Variants in SPATA18 observed in about 807,000 individuals in gnomAD.
SPATA18 encodes mitochondria-eating protein.
A neutral mutation model predicts 68.1 loss-of-function variants in SPATA18; 54 were observed. That is an observed-to-expected ratio of 0.79 (90% CI 0.64 to 0.99). The LOEUF (loss-of-function observed/expected upper bound fraction) is 0.99. SPATA18 is among the 50% of genes least tolerant of loss of function. SPATA18 has a pLI of 0.00. For missense variants in SPATA18, 724 were observed against 681.1 expected, an observed-to-expected ratio of 1.06 and a Z score of -0.70; for synonymous variants, 242 against 244.8, an observed-to-expected ratio of 0.99 and a Z score of 0.11.
intron 11 of SPATA18, among the ~76,000 whole-genome samples, chr4:52,086,866 A>G (rs1328246558): frequency 6.6e-6 from 1 of 152,146 alleles, no homozygotes; most frequent in Admixed American, 6.5e-5. Context: ...GGTTGAACTA[A>G]TTTACACTCT....
intron 6 of SPATA18, among the ~76,000 whole-genome samples, chr4:52,074,942 A>G (rs1053970204): frequency 6.6e-6 from 1 of 152,178 alleles, no homozygotes. Flanking sequence ...AGGAGCCTGG[A>G]AGGACTCAAG....
chr4:52,065,467 A>G (rs1362848593), intron 4 of SPATA18, among the ~76,000 whole-genome samples: 2 of 152,152 alleles, frequency 1.3e-5, no homozygotes, highest in South Asian at 2.1e-4. Flanking sequence ...TGATTTTTGC[A>G]TAAGGTGAGA....
Position 52,077,101 on chromosome 4 carries a change from G to A in SPATA18, c.1020+61G>A, listed in dbSNP as rs1740440591. The stretch of plus-strand genomic sequence containing the variant: ...GCAGCCGGGAGACAAGTTCTGTAAC[G>A]TGAATGGAACAACTTACAAAGACTA... On this transcript the variant is annotated intron_variant, in intron 7 of 12. Coordinates refer to ENST00000295213, the MANE Select transcript of SPATA18 (RefSeq NM_145263.4). 7 of 1,505,082 alleles carry A rather than the reference G, an allele frequency of 4.7e-6. No individual in the cohort carries two copies. In the South Asian group the frequency reaches 6.5e-5, roughly 14 times the overall value. The allele number at this position is 1,505,082 out of a possible 1,614,324, so 93.2% of individuals were successfully genotyped here.
intron 1 of SPATA18, among the ~76,000 whole-genome samples, chr4:52,056,183 T>C (rs1325664520): frequency 1.3e-5 from 2 of 152,128 alleles, no homozygotes; most frequent in African/African-American, 2.4e-5. Context: ...TAATCTCATC[T>C]GTGCATGTGG....
chr4:52,061,767 CAT>C (rs1738878011), intron 3 of SPATA18, among the ~76,000 whole-genome samples: 1 of 152,138 alleles, frequency 6.6e-6, no homozygotes, highest in African/African-American at 2.4e-5. Flanking sequence ...GGGCCTGACA[CAT>C]GTTAAGTACT....
intron 7 of SPATA18, 99 bp from the exon 8 acceptor site, chr4:52,078,636 C>T (rs1740618886): frequency 1.8e-6 from 2 of 1,083,840 alleles, no homozygotes; most frequent in South Asian, 2.2e-5. Context: ...ATCAGAAGAC[C>T]AATATGATGT....
rs773387729 is a variant in SPATA18 at position 52,051,687 on chromosome 4, C to A, written c.-18C>A. 9 of 1,613,354 alleles carry A rather than the reference C, an allele frequency of 5.6e-6. No individual in the cohort carries two copies. In the South Asian group the frequency reaches 7.7e-5, roughly 14 times the overall value. ...AAGTCTCCATCGCGCAGCGTGGGGC[C>A]GAGAGGAATAGTGAGCGATGGCGGA... On this transcript the variant is annotated 5_prime_UTR_variant, in exon 1 of 13. Transcript: ENST00000295213.
intron 10 of SPATA18, among the ~76,000 whole-genome samples, chr4:52,084,375 G>A (rs1462677095): frequency 6.6e-6 from 1 of 152,188 alleles, no homozygotes; most frequent in Non-Finnish European, 1.5e-5. Context: ...GAAAGGGGTT[G>A]AAGTAGGGAA....
rs1742356284 is a variant in SPATA18 at position 52,095,600 on chromosome 4, A to G, written c.*713A>G. 6.6e-6 allele frequency: 1 copy of G among 152,236 alleles called. No individual in the cohort carries two copies. Among genetic ancestry groups the G allele is most frequent in the South Asian group, 2.1e-4 (1 of 4,832 alleles). 9.4% of individuals were successfully genotyped at this position (152,236 alleles called of 1,614,324 possible). A position where few individuals can be genotyped will look rare whatever the true frequency, so the allele number is the denominator to read the frequency against. On this transcript the variant is annotated 3_prime_UTR_variant, in exon 13 of 13. Coordinates refer to ENST00000295213, the MANE Select transcript of SPATA18 (RefSeq NM_145263.4). ...CCTTGTTCATAAATGTAGAGCAGTG[A>G]TTTGATTAGAAGCCAGCTTTGAGAT...
chr4:52,075,723 C>T (rs551023148), intron 6 of SPATA18, among the ~76,000 whole-genome samples: 2 of 152,248 alleles, frequency 1.3e-5, no homozygotes, highest in African/African-American at 4.8e-5. Flanking sequence ...TGTCATCTGC[C>T]CCTGCCTCTC....
rs1477043205 is a variant in SPATA18, at chr4:52,072,163, CA to C, written c.758+10del. ...AAAGTGCACTCCAAGGAAGGTCAGA[CA>C]AACTCTCAAAGATCTTCTCATTTAG... On this transcript the variant is annotated splice_region_variant and intron_variant, in intron 6 of 12. Transcript: ENST00000295213. The C allele has an allele frequency of 1.2e-6, 2 of 1,613,336 alleles. No homozygotes were observed. The highest frequency in any genetic ancestry group is 1.7e-6 in the Non-Finnish European group (2 of 1,179,696).
chr4:52,078,655 G>A lies in SPATA18; in HGVS notation c.1021-80G>A, dbSNP rs370721776. On this transcript the variant is annotated intron_variant, in intron 7 of 12. Coordinates refer to ENST00000295213, the MANE Select transcript of SPATA18 (RefSeq NM_145263.4). ...GAAGACCAATATGATGTTGAAGCTCGGATTCTTTCTAATTCCTTGTTTTGG... is the reference window on the plus strand; with the variant it reads ...GAAGACCAATATGATGTTGAAGCTCAGATTCTTTCTAATTCCTTGTTTTGG... The A allele has an allele frequency of 4.8e-4, 632 of 1,314,642 alleles. 6 individuals carry two copies. In the South Asian group the frequency reaches 7.9e-3, roughly 16 times the overall value. The allele number at this position is 1,314,642 out of a possible 1,614,324, so 81.4% of individuals were successfully genotyped here.
chr4:52,061,729 G>A (rs1264959029), intron 3 of SPATA18, among the ~76,000 whole-genome samples: 2 of 152,052 alleles, frequency 1.3e-5, no homozygotes, highest in South Asian at 2.1e-4. Context: ...AGAATTAAAT[G>A]TGATAAGCAC....
In SPATA18 at chr4:52,062,308, G is replaced by A; in HGVS notation, c.398G>A (p.Ser133Asn). The A allele has an allele frequency of 1.2e-6, 2 of 1,610,210 alleles. No homozygotes were observed. The highest frequency in any genetic ancestry group is 1.7e-6 in the Non-Finnish European group (2 of 1,177,762). Residue 133 changes from serine (S) to asparagine (N), a missense_variant, in exon 4 of 13, where the codon AGT becomes AAT. Coordinates refer to ENST00000295213, the MANE Select transcript of SPATA18 (RefSeq NM_145263.4). ...GACTCTAATTTGAACTCAACCCGGA[G>A]TCAATGCAACCAGGTTCAAGACGAG... is the stretch of plus-strand genomic sequence containing the variant. ...QLDSNLNSTR[S>N]QCNQVQDDLV...
intron 6 of SPATA18, among the ~76,000 whole-genome samples, chr4:52,072,814 T>C (rs1448756640): frequency 6.6e-6 from 1 of 152,222 alleles, no homozygotes; most frequent in Non-Finnish European, 1.5e-5. Flanking sequence ...TTTTCTCTGA[T>C]GCCTGGGAGT....
Position 52,094,918 on chromosome 4 carries a change from C to A in SPATA18, c.*31C>A. ...CCAGACCTGCTCCTTTGACCCAGTG[C>A]GTGGAAACAGCTGCTTTCTCCAGTG... is the stretch of plus-strand genomic sequence containing the variant. On this transcript the variant is annotated 3_prime_UTR_variant, in exon 13 of 13. Transcript: ENST00000295213. 12 of 1,613,802 alleles carry A rather than the reference C, an allele frequency of 7.4e-6. No individual in the cohort carries two copies. The highest frequency in any genetic ancestry group is 1.0e-5 in the Non-Finnish European group (12 of 1,179,756).
In SPATA18 at chr4:52,060,780, A is replaced by C; in HGVS notation, c.194-2A>C. ...CCATTAACTCGTCATTTAACATTTT[A>C]GGAGGACGTAATGATGGTGTGGAAA... On this transcript the variant is annotated splice_acceptor_variant, in intron 2 of 12. Transcript: ENST00000295213. LOFTEE classifies it high-confidence loss of function. 6.2e-7 allele frequency: 1 copy of C among 1,613,326 alleles called. No individual in the cohort carries two copies. Among genetic ancestry groups the C allele is most frequent in the Non-Finnish European group, 8.5e-7 (1 of 1,179,460 alleles).
intron 10 of SPATA18, 91 bp from the exon 11 acceptor site, chr4:52,084,825 T>G: frequency 7.9e-7 from 1 of 1,259,102 alleles, no homozygotes; most frequent in Non-Finnish European, 1.2e-6. Flanking sequence ...TAAGTAAAAC[T>G]CTTATTCTGT....
At chr4:52,083,609 G>C (rs548625132) in intron 10 of SPATA18, 1 of 386,874 alleles carries the variant, frequency 2.6e-6, no homozygotes, top group Non-Finnish European at 3.5e-6. Flanking sequence ...GCTGGGCATC[G>C]TGGTGCATAC....
Sources: gnomAD v4.1 joint callset for allele counts (sites outside exome capture counted in the v4.1 genomes callset) on GRCh38, gnomAD v4.1.1 for gene constraint, MANE v1.5 for transcripts, NCBI Gene and HGNC (gene_info 2026-07-23, HGNC 2026-07-21) for gene names.